The following NMBR variants were observed in gnomAD, a reference collection of about 807,000 sequenced individuals.
NMBR encodes neuromedin B receptor.
NMBR carries 16 observed loss-of-function variants against 20.5 expected under a neutral mutation model. The observed-to-expected ratio is 0.78, with a 90% CI of 0.53 to 1.19. The LOEUF (loss-of-function observed/expected upper bound fraction) is 1.19, where lower values mean the gene tolerates loss of function less well. Ranked by LOEUF, NMBR falls within the 50% of genes most tolerant of loss-of-function variation. The pLI is 0.00. For missense variants in NMBR, 582 were observed against 499.1 expected (o/e 1.17, Z -1.58); for synonymous variants, 212 against 196.6 (o/e 1.08, Z -0.65).
In NMBR at chr6:142,078,919, A is replaced by G; in HGVS notation, c.423-16T>C. ...GGCTCTGTACCTGGGAAAATGATAC[A>G]TCTCAAGTTATTCCAGAAAGAAAGG... On this transcript the variant is annotated splice_polypyrimidine_tract_variant and intron_variant, in intron 2 of 3. Coordinates refer to ENST00000258042, the MANE Select transcript of NMBR (RefSeq NM_002511.4). 1 of 1,478,514 alleles carries G rather than the reference A, an allele frequency of 6.8e-7. No individual in the cohort carries two copies. Among genetic ancestry groups the G allele is most frequent in the Non-Finnish European group, 9.2e-7 (1 of 1,092,508 alleles). 91.6% of individuals were successfully genotyped at this position (1,478,514 alleles called of 1,614,324 possible). A position where few individuals can be genotyped will look rare whatever the true frequency, so the allele number is the denominator to read the frequency against.
chr6:142,089,894 G>A (rs971252402), intron 1 of NMBR, among the ~76,000 whole-genome samples: 1 of 152,088 alleles, frequency 6.6e-6, no homozygotes, highest in African/African-American at 2.4e-5. Flanking sequence ...GTGTGGATTT[G>A]CCAGGTCATA....
rs915258059 is a variant in NMBR at position 142,092,382 on chromosome 6, T to C, written c.-663-3061A>G. Among the ~76,000 whole-genome samples, 11 of 152,234 alleles carry C rather than the reference T, an allele frequency of 7.2e-5. No individual in the cohort carries two copies. In the South Asian group the frequency reaches 2.3e-3, roughly 32 times the overall value. Reference sequence around the variant, plus strand: ...AGAAGAATAAAACAGAGTCTCTATGTAATACTATATGTAGTATTATAATTC... The same window carrying C: ...AGAAGAATAAAACAGAGTCTCTATGCAATACTATATGTAGTATTATAATTC... On this transcript the variant is annotated intron_variant, in intron 1 of 3. Transcript: ENST00000258042.
At chr6:142,105,917 A>C (rs1033853519) in intron 1 of NMBR, among the ~76,000 whole-genome samples, 2 of 152,322 alleles carry the variant, frequency 1.3e-5, no homozygotes, top group African/African-American at 4.8e-5. Flanking sequence ...TATAGACTTA[A>C]GTTCATGTTT....
intron 1 of NMBR, among the ~76,000 whole-genome samples, chr6:142,128,289 C>A (rs1244588471): frequency 1.3e-5 from 2 of 152,098 alleles, no homozygotes; most frequent in Non-Finnish European, 2.9e-5. Flanking sequence ...CCAATTAAAC[C>A]TCTTTTCTTT....
chr6:142,134,329 C>T (rs192818568), intron 1 of NMBR, among the ~76,000 whole-genome samples: 1 of 152,186 alleles, frequency 6.6e-6, no homozygotes, highest in East Asian at 1.9e-4. Flanking sequence ...CATTGAGAGG[C>T]AATTACAGTA....
chr6:142,088,114 C>T (rs1442113426), intron 2 of NMBR, 123 bp downstream of exon 2: 1 of 916,996 alleles, frequency 1.1e-6, no homozygotes, highest in Non-Finnish European at 1.6e-6. Flanking sequence ...CTCTCCCTCT[C>T]TTCCTCTCCA....
At chr6:142,106,703 C>A (rs1022444908) in intron 1 of NMBR, among the ~76,000 whole-genome samples, 25 of 152,276 alleles carry the variant, frequency 1.6e-4, no homozygotes, top group Admixed American at 1.6e-3. Context: ...AAAAAGACAA[C>A]TCTTAGGTGA....
chr6:142,129,531 T>A (rs193209337), intron 1 of NMBR, among the ~76,000 whole-genome samples: 413 of 152,212 alleles, frequency 2.7e-3, no homozygotes, highest in Admixed American at 5.4e-3. Flanking sequence ...TGTCTTGGTA[T>A]CTTGATAGAC....
intron 1 of NMBR, among the ~76,000 whole-genome samples, chr6:142,114,884 T>C (rs1168563080): frequency 1.3e-5 from 2 of 152,084 alleles, no homozygotes; most frequent in African/African-American, 4.8e-5. Context: ...TTATTCCCAT[T>C]TTACAGATGA....
chr6:142,092,761 T>C (rs866518498), intron 1 of NMBR, among the ~76,000 whole-genome samples: 4 of 152,086 alleles, frequency 2.6e-5, no homozygotes, highest in South Asian at 2.1e-4. Context: ...CTTGAGAAGA[T>C]GGAATTGGAA....
intron 1 of NMBR, among the ~76,000 whole-genome samples, chr6:142,116,611 T>A (rs572284403): frequency 1.2e-4 from 18 of 152,168 alleles, no homozygotes; most frequent in African/African-American, 4.3e-4. Flanking sequence ...GTCTACCAAA[T>A]TCAGGGAATT....
intron 1 of NMBR, among the ~76,000 whole-genome samples, chr6:142,110,809 A>T (rs751502902): frequency 3.9e-5 from 6 of 152,212 alleles, no homozygotes; most frequent in Non-Finnish European, 8.8e-5. Context: ...TCAGCTTTTC[A>T]TCTTAACTGC....
At chr6:142,086,955 C>T (rs886089958) in intron 2 of NMBR, among the ~76,000 whole-genome samples, 9 of 151,972 alleles carry the variant, frequency 5.9e-5, no homozygotes, top group Non-Finnish European at 1.5e-5. Context: ...AATAAGATTG[C>T]ATAAAGAGGG....
At chr6:142,135,602 G>C (rs540474479) in intron 1 of NMBR, among the ~76,000 whole-genome samples, 3 of 149,946 alleles carry the variant, frequency 2.0e-5, no homozygotes, top group Non-Finnish European at 4.5e-5. Flanking sequence ...CCATTAACTC[G>C]TCATTTAGCA....
At chr6:142,136,024 C>T (rs1778248384) in intron 1 of NMBR, among the ~76,000 whole-genome samples, 1 of 152,148 alleles carries the variant, frequency 6.6e-6, no homozygotes, top group South Asian at 2.1e-4. Context: ...AATGGGATGG[C>T]TAGGTCAAAT....
rs1778453954 is a variant in NMBR at position 142,147,100 on chromosome 6, G to A, written c.-720C>T. The A allele has an allele frequency of 1.6e-6, 1 of 607,818 alleles. No homozygotes were observed. Among genetic ancestry groups the A allele is most frequent in the Non-Finnish European group, 2.9e-6 (1 of 342,860 alleles). 37.7% of individuals were successfully genotyped at this position (607,818 alleles called of 1,614,324 possible). A position where few individuals can be genotyped will look rare whatever the true frequency, so the allele number is the denominator to read the frequency against. On this transcript the variant is annotated 5_prime_UTR_variant, in exon 1 of 4. Coordinates refer to ENST00000258042, the MANE Select transcript of NMBR (RefSeq NM_002511.4). ...AAGCGCCAAAATGCTCGGGTCTTCT[G>A]TGGGTTCTAACCGCCGAGAGCCAAG...
intron 1 of NMBR, among the ~76,000 whole-genome samples, chr6:142,118,842 C>G (rs751256532): frequency 6.6e-6 from 1 of 151,924 alleles, no homozygotes; most frequent in South Asian, 2.1e-4. Flanking sequence ...ATACAGCATT[C>G]TCTTATTTGT....
chr6:142,127,512 A>G (rs1428832025), intron 1 of NMBR, among the ~76,000 whole-genome samples: 1 of 151,920 alleles, frequency 6.6e-6, no homozygotes, highest in Non-Finnish European at 1.5e-5. Context: ...TGTTTTTTCT[A>G]TTTCTGTATA....
At chr6:142,118,739 C>T (rs1048922637) in intron 1 of NMBR, among the ~76,000 whole-genome samples, 4 of 151,984 alleles carry the variant, frequency 2.6e-5, no homozygotes, top group African/African-American at 9.7e-5. Flanking sequence ...TAGAAATCAT[C>T]TTAGCAGTTG....
Sources: gnomAD v4.1 joint callset for allele counts (sites outside exome capture counted in the v4.1 genomes callset) on GRCh38, gnomAD v4.1.1 for gene constraint, MANE v1.5 for transcripts, NCBI Gene and HGNC (gene_info 2026-07-23, HGNC 2026-07-21) for gene names.